RALB: variants seen among roughly 807,000 people sequenced by gnomAD.
RALB encodes the protein ras-related protein Ral-B.
Under a neutral mutation model 21.3 loss-of-function variants are expected in RALB, and 16 were observed. That is an observed-to-expected ratio of 0.75 (90% CI 0.51 to 1.14). The LOEUF is 1.14. Among genes scored for constraint, RALB ranks in the 50% most tolerant of loss-of-function variants. The pLI is 0.00. For missense variants in RALB, 161 were observed against 256.2 expected, an observed-to-expected ratio of 0.63 and a Z score of 2.54; for synonymous variants, 93 against 96.1, an observed-to-expected ratio of 0.97 and a Z score of 0.19.
At chr2:120,261,673 A>T (rs1172853676) in intron 1 of RALB, among the ~76,000 whole-genome samples, 1 of 152,070 alleles carries the variant, frequency 6.6e-6, no homozygotes, top group Non-Finnish European at 1.5e-5. Context: ...AGTGAGTGAG[A>T]TGGAGGGGAA....
intron 3 of RALB, among the ~76,000 whole-genome samples, chr2:120,286,935 A>T (rs939447143): frequency 6.6e-6 from 1 of 152,080 alleles, no homozygotes; most frequent in African/African-American, 2.4e-5. Flanking sequence ...CCTTTTGGGC[A>T]TAATTCTTAT....
At chr2:120,268,436 G>A (rs772802563) in intron 1 of RALB, among the ~76,000 whole-genome samples, 34 of 152,166 alleles carry the variant, frequency 2.2e-4, no homozygotes, top group Non-Finnish European at 3.7e-4. Flanking sequence ...AAACATATAC[G>A]AAGGTATAGA....
At chr2:120,258,000 A>T (rs1330961096) in intron 1 of RALB, among the ~76,000 whole-genome samples, 1 of 152,170 alleles carries the variant, frequency 6.6e-6, no homozygotes, top group Non-Finnish European at 1.5e-5. Context: ...CACTTTCCTC[A>T]TGTGCATTGT....
Position 120,289,697 on chromosome 2 carries a change from C to G in RALB, c.441C>G (p.Ala147=), listed in dbSNP as rs776311627. The G allele has an allele frequency of 1.2e-6, 2 of 1,614,108 alleles. No homozygotes were observed. Among genetic ancestry groups the G allele is most frequent in the Non-Finnish European group, 1.7e-6 (2 of 1,180,030 alleles). ...QVPVEEARSK[A]EEWGVQYVET... ...CTGTGGAGGAGGCCAGGAGTAAAGC[C>G]GAAGAGTGGGGCGTGCAGTACGTGG... Residue 147 remains alanine (A), a synonymous_variant, in exon 4 of 5, where the codon GCC becomes GCG. Transcript: ENST00000272519.
At chr2:120,253,802 A>G in intron 1 of RALB, 1 of 760,096 alleles carries the variant, frequency 1.3e-6, no homozygotes, top group Non-Finnish European at 1.6e-6. Flanking sequence ...GACTTGGCTG[A>G]TTGCTCATCT....
chr2:120,293,371 T>C lies in RALB; in HGVS notation c.*111T>C. The stretch of plus-strand genomic sequence containing the variant: ...GTGCTTCCCACTCTCCCCGACTTCA[T>C]TCACTCAAACTTCTTTAAATGGGGA... On this transcript the variant is annotated 3_prime_UTR_variant, in exon 5 of 5. Transcript: ENST00000272519. The C allele has an allele frequency of 8.3e-7, 1 of 1,200,486 alleles. No individual in the cohort carries two copies. Among genetic ancestry groups the C allele is most frequent in the East Asian group, 3.1e-5 (1 of 32,420 alleles). 74.4% of individuals were successfully genotyped at this position (1,200,486 alleles called of 1,614,324 possible).
At chr2:120,270,081 G>A (rs1318820069) in intron 1 of RALB, among the ~76,000 whole-genome samples, 1 of 152,136 alleles carries the variant, frequency 6.6e-6, no homozygotes, top group African/African-American at 2.4e-5. Flanking sequence ...AAAAAACTAG[G>A]TTGTTTGACT....
chr2:120,288,896 A>C (rs1276229925), intron 3 of RALB, among the ~76,000 whole-genome samples: 1 of 152,178 alleles, frequency 6.6e-6, no homozygotes, highest in Admixed American at 6.5e-5. Context: ...CTGCATGGAA[A>C]CTGGGGATGG....
chr2:120,277,241 G>C (rs529107988), intron 1 of RALB, among the ~76,000 whole-genome samples: 1 of 152,220 alleles, frequency 6.6e-6, no homozygotes, highest in South Asian at 2.1e-4. Context: ...ATATGTGTGT[G>C]TGAGAAAGTG....
upstream of RALB, among the ~76,000 whole-genome samples, chr2:120,248,840 T>G (rs1197171604): frequency 6.6e-6 from 1 of 152,022 alleles, no homozygotes; most frequent in Non-Finnish European, 1.5e-5. Context: ...TGGCTAATTT[T>G]TTTATTTTTT....
intron 1 of RALB, among the ~76,000 whole-genome samples, chr2:120,265,639 G>A (rs1258877902): frequency 6.6e-6 from 1 of 152,136 alleles, no homozygotes; most frequent in Non-Finnish European, 1.5e-5. Flanking sequence ...TCCACTCATA[G>A]AGCACAGACC....
At chr2:120,250,623 G>T (rs1012307491), upstream of RALB, among the ~76,000 whole-genome samples, 5 of 152,194 alleles carry the variant, frequency 3.3e-5, no homozygotes, top group Non-Finnish European at 7.3e-5. Context: ...GGCAGCAGTC[G>T]TTTACAGCAT....
chr2:120,245,921 T>C (rs1688962656), intron 1 of RALB, among the ~76,000 whole-genome samples: 1 of 152,106 alleles, frequency 6.6e-6, no homozygotes, highest in Non-Finnish European at 1.5e-5. Context: ...CGATAGAAAA[T>C]AGGGAATCGC....
chr2:120,250,630 G>A (rs550092803), upstream of RALB, among the ~76,000 whole-genome samples: 15 of 152,324 alleles, frequency 9.8e-5, no homozygotes, highest in African/African-American at 3.4e-4. Context: ...GTCGTTTACA[G>A]CATCCTTAAG....
chr2:120,247,569 G>A (rs1688991225), intron 1 of RALB, among the ~76,000 whole-genome samples: 1 of 152,194 alleles, frequency 6.6e-6, no homozygotes, highest in Admixed American at 6.5e-5. Flanking sequence ...CCCTCGTAAA[G>A]TCCTGACTTA....
intron 2 of RALB, among the ~76,000 whole-genome samples, chr2:120,285,546 G>C (rs1381749423): frequency 6.8e-6 from 1 of 147,802 alleles, no homozygotes; most frequent in Admixed American, 6.8e-5. Context: ...TTGTGCATAT[G>C]TACCCTAAAA....
At chr2:120,267,981 G>A (rs1306726197) in intron 1 of RALB, among the ~76,000 whole-genome samples, 2 of 152,030 alleles carry the variant, frequency 1.3e-5, no homozygotes, top group African/African-American at 4.8e-5. Context: ...TAGTAGAGAC[G>A]GGGTTTCACC....
intron 1 of RALB, among the ~76,000 whole-genome samples, chr2:120,245,740 A>T (rs1011120176): frequency 2.6e-5 from 4 of 151,964 alleles, no homozygotes; most frequent in Non-Finnish European, 4.4e-5. Flanking sequence ...TGTGGAGGGG[A>T]GGGAGCCCTG....
At chr2:120,288,032 T>C (rs193215791) in intron 3 of RALB, among the ~76,000 whole-genome samples, 89 of 152,376 alleles carry the variant, frequency 5.8e-4, no homozygotes, top group African/African-American at 2.0e-3. Context: ...CTGGAAAATA[T>C]TTTATGAACT....
Sources: allele counts gnomAD v4.1 joint callset (sites outside exome capture counted in the v4.1 genomes callset), GRCh38; gene constraint gnomAD v4.1.1; transcripts MANE v1.5; gene names NCBI Gene and HGNC (gene_info 2026-07-23, HGNC 2026-07-21).